The following ELFN2 variants were observed in gnomAD, a reference collection of about 807,000 sequenced individuals.
ELFN2 encodes extracellular leucine rich repeat and fibronectin type III domain containing 2, also known as protein phosphatase 1 regulatory subunit 29.
A neutral mutation model predicts 45.5 loss-of-function variants in ELFN2; 17 were observed. That is an observed-to-expected ratio of 0.37 (90% CI 0.26 to 0.56). The LOEUF (loss-of-function observed/expected upper bound fraction) is 0.56, where lower values mean the gene tolerates loss of function less well. ELFN2 is among the 20% of genes least tolerant of loss of function. ELFN2 has a pLI of 0.77. For missense variants in ELFN2, 922 were observed against 1,183.2 expected (o/e 0.78, Z 3.24); for synonymous variants, 550 against 551.5 (o/e 1.00, Z 0.04).
chr22:37,402,450 G>A (rs376930692), intron 2 of ELFN2, among the ~76,000 whole-genome samples: 5 of 152,302 alleles, frequency 3.3e-5, no homozygotes, highest in South Asian at 4.1e-4. Context: ...ACCCGGCCCC[G>A]GTGAGCGTCT....
chr22:37,352,877 T>C (rs1333508446), intron 1 of ELFN2, among the ~76,000 whole-genome samples: 1 of 150,922 alleles, frequency 6.6e-6, no homozygotes, highest in African/African-American at 2.4e-5. Context: ...ACGATCTTGC[T>C]ACTTCTGGCT....
intron 1 of ELFN2, among the ~76,000 whole-genome samples, chr22:37,422,966 T>G: frequency 6.9e-6 from 1 of 145,114 alleles, no homozygotes; most frequent in Non-Finnish European, 1.5e-5. Flanking sequence ...GGAAGTGACT[T>G]GCCCAGGACC....
chr22:37,400,660 A>C (rs1932339216), intron 2 of ELFN2, among the ~76,000 whole-genome samples: 1 of 152,184 alleles, frequency 6.6e-6, no homozygotes, highest in Admixed American at 6.5e-5. Flanking sequence ...GCAGCCCCTG[A>C]GCCCCTGGAG....
intron 2 of ELFN2, among the ~76,000 whole-genome samples, chr22:37,381,006 T>C (rs1385955910): frequency 6.6e-6 from 1 of 152,164 alleles, no homozygotes; most frequent in Admixed American, 6.5e-5. Context: ...GAGCCCTTAC[T>C]GCAGGGCATA....
In ELFN2 at chr22:37,374,002, C is replaced by T; in HGVS notation, c.1533G>A (p.Gly511=). The change falls in exon 3 of 3, where the codon GGG becomes GGA. Residue 511 remains glycine, a synonymous_variant. Transcript: ENST00000402918. The part of the protein sequence containing the change: ...NYIEVRTGAG[G]DGLARPEDDL... ...CATCCTCGGGCCGAGCCAGACCGTC[C>T]CCGCCGGCGCCTGTGCGCACCTCGA... 1 of 1,613,076 alleles carries T rather than the reference C, an allele frequency of 6.2e-7. No individual in the cohort carries two copies. Among genetic ancestry groups the T allele is most frequent in the Non-Finnish European group, 8.5e-7 (1 of 1,179,988 alleles).
intron 2 of ELFN2, among the ~76,000 whole-genome samples, chr22:37,390,153 C>G (rs1159375541): frequency 6.6e-6 from 1 of 152,216 alleles, no homozygotes. Context: ...TCCGGTCCCT[C>G]CAGGCTCTGA....
rs114500805 is a variant in ELFN2 at position 37,414,807 on chromosome 22, C to G, written c.-463+2962G>C. Among the ~76,000 whole-genome samples the G allele has an allele frequency of 9.4e-3, 1,428 of 152,332 alleles. 18 individuals carry two copies. Among genetic ancestry groups the G allele is most frequent in the African/African-American group, 0.03 (1,236 of 41,570 alleles). On this transcript the variant is annotated intron_variant, in intron 2 of 2. Coordinates refer to ENST00000402918, the MANE Select transcript of ELFN2 (RefSeq NM_052906.5). ...TACATTCCCCCTTCCCATCCCAAGACAGCTCAGCCTGTCAGAACGTCTCTA... is the reference window on the plus strand; with the variant it reads ...TACATTCCCCCTTCCCATCCCAAGAGAGCTCAGCCTGTCAGAACGTCTCTA...
Position 37,369,660 on chromosome 22 carries a change from G to A in ELFN2, c.*3412C>T, listed in dbSNP as rs1292268646. 1 of 152,362 alleles carries A rather than the reference G, an allele frequency of 6.6e-6. No individual in the cohort carries two copies. 9.4% of individuals were successfully genotyped at this position (152,362 alleles called of 1,614,324 possible). On this transcript the variant is annotated 3_prime_UTR_variant, in exon 3 of 3. Coordinates refer to ENST00000402918, the MANE Select transcript of ELFN2 (RefSeq NM_052906.5). Reference sequence around the variant, plus strand: ...GCACCTGCTGTGCCCTCCCAGGAAGGAGCAGACCCATTGTGCTACTTCCCA... The same window carrying A: ...GCACCTGCTGTGCCCTCCCAGGAAGAAGCAGACCCATTGTGCTACTTCCCA...
chr22:37,389,537 T>G (rs139041597), intron 2 of ELFN2, among the ~76,000 whole-genome samples: 2 of 152,202 alleles, frequency 1.3e-5, no homozygotes, highest in African/African-American at 4.8e-5. Context: ...ACCCCCCTGC[T>G]ATGCCCCCAC....
At chr22:37,410,621 A>G (rs1932623645) in intron 2 of ELFN2, among the ~76,000 whole-genome samples, 1 of 152,130 alleles carries the variant, frequency 6.6e-6, no homozygotes, top group East Asian at 1.9e-4. Context: ...ATCAAATTGG[A>G]GAGGGACGAG....
chr22:37,415,941 T>C (rs1932755694), intron 2 of ELFN2, among the ~76,000 whole-genome samples: 2 of 152,132 alleles, frequency 1.3e-5, no homozygotes, highest in East Asian at 1.9e-4. Context: ...CCAGCCTGGG[T>C]GACAGAGCGA....
At chr22:37,422,617 G>C (rs755819911) in intron 1 of ELFN2, among the ~76,000 whole-genome samples, 1 of 151,754 alleles carries the variant, frequency 6.6e-6, no homozygotes, top group Non-Finnish European at 1.5e-5. Context: ...TTTTTGAGAC[G>C]GAGCCTCACT....
At chr22:37,385,726 G>A (rs1387838172) in intron 2 of ELFN2, among the ~76,000 whole-genome samples, 3 of 152,246 alleles carry the variant, frequency 2.0e-5, no homozygotes, top group Middle Eastern at 3.4e-3. Flanking sequence ...AGGGTGCCCC[G>A]ATCCCTGCCT....
At chr22:37,399,330 T>G (rs1339741754) in intron 2 of ELFN2, among the ~76,000 whole-genome samples, 1 of 152,140 alleles carries the variant, frequency 6.6e-6, no homozygotes, top group Non-Finnish European at 1.5e-5. Context: ...TCTGCCCCTG[T>G]GTGGGCTTCC....
At chr22:37,425,178 G>C (rs1367514061) in intron 1 of ELFN2, among the ~76,000 whole-genome samples, 1 of 152,224 alleles carries the variant, frequency 6.6e-6, no homozygotes, top group African/African-American at 2.4e-5. Flanking sequence ...CCACCCAGGG[G>C]TGGTGGGCCT....
chr22:37,362,497 C>T (rs1347223149), intron 1 of ELFN2, among the ~76,000 whole-genome samples: 2 of 152,182 alleles, frequency 1.3e-5, no homozygotes, highest in African/African-American at 4.8e-5. Context: ...TTGACAGGGC[C>T]GGCACAGGCC....
In ELFN2 at chr22:37,374,701, G is replaced by A. The variant is rs773826091; in HGVS notation, c.834C>T (p.Asp278=). The change falls in exon 3 of 3, where the codon GAC becomes GAT. Residue 278 remains aspartate, a synonymous_variant. Coordinates refer to ENST00000402918, the MANE Select transcript of ELFN2 (RefSeq NM_052906.5). ...CCGGCGGCTCCACCGAAAGGATCTCGTCGGGGTTGAAGCCCGAGTTCTCGT... is the reference window on the plus strand; with the variant it reads ...CCGGCGGCTCCACCGAAAGGATCTCATCGGGGTTGAAGCCCGAGTTCTCGT... ...EPDENSGFNP[D]EILSVEPPAS... 1.6e-5 allele frequency: 26 copies of A among 1,611,964 alleles called. No homozygotes were observed. The highest frequency in any genetic ancestry group is 6.7e-5 in the Admixed American group (4 of 59,974).
intron 1 of ELFN2, among the ~76,000 whole-genome samples, chr22:37,349,368 G>A (rs535584315): frequency 6.6e-6 from 1 of 151,182 alleles, no homozygotes; most frequent in Admixed American, 6.6e-5. Context: ...GATCCACGGT[G>A]CCCCCGGCCC....
rs184642368 is a variant in ELFN2, at chr22:37,423,192, A to T, written c.-614+4106T>A. Among the ~76,000 whole-genome samples the T allele has an allele frequency of 6.9e-4, 105 of 152,146 alleles. 1 individual carries two copies. The highest frequency in any genetic ancestry group is 2.5e-3 in the African/African-American group (102 of 41,512). On this transcript the variant is annotated intron_variant, in intron 1 of 2. Coordinates refer to ENST00000402918, the MANE Select transcript of ELFN2 (RefSeq NM_052906.5). ...GCACTGTGGGAGGGCCAGGGAGCAAAGGGCTGCCTTTGGGGGTGTCCCATC... is the reference window on the plus strand; with the variant it reads ...GCACTGTGGGAGGGCCAGGGAGCAATGGGCTGCCTTTGGGGGTGTCCCATC...
Sources: gnomAD v4.1 joint callset for allele counts (sites outside exome capture counted in the v4.1 genomes callset) on GRCh38, gnomAD v4.1.1 for gene constraint, MANE v1.5 for transcripts, NCBI Gene and HGNC (gene_info 2026-07-23, HGNC 2026-07-21) for gene names.